The following HPSE2 variants were observed in gnomAD, a reference collection of about 807,000 sequenced individuals.
HPSE2 encodes heparanase 2 (inactive), also known as inactive heparanase-2.
Under a neutral mutation model 60.5 loss-of-function variants are expected in HPSE2, and 38 were observed. The observed-to-expected ratio is 0.63, with a 90% confidence interval of 0.48 to 0.82. The LOEUF (loss-of-function observed/expected upper bound fraction) is 0.82. HPSE2 is among the 40% of genes least tolerant of loss of function. The pLI, the probability that HPSE2 is intolerant of heterozygous loss-of-function variation, is 0.00. For missense variants in HPSE2, 713 were observed against 740.4 expected, an observed-to-expected ratio of 0.96 and a Z score of 0.43; for synonymous variants, 295 against 293.2, an observed-to-expected ratio of 1.01 and a Z score of -0.06.
Position 98,937,770 on chromosome 10 carries a change from G to A in HPSE2, c.611-193714C>T, listed in dbSNP as rs1159654969. Among the ~76,000 whole-genome samples, 9 of 141,832 alleles carry A rather than the reference G, an allele frequency of 6.3e-5. 2 individuals are homozygous for A. Among genetic ancestry groups the A allele is most frequent in the South Asian group, 2.1e-4 (1 of 4,690 alleles). 93.0% of individuals were successfully genotyped at this position (141,832 alleles called of 152,430 possible). On this transcript the variant is annotated intron_variant, in intron 3 of 11. Transcript: ENST00000370552. The stretch of plus-strand genomic sequence containing the variant: ...AGCACGCAGCTGGAGATCTGAGAAC[G>A]GGCAGACTGCCTCCTCAAGTGGGTC...
intron 3 of HPSE2, among the ~76,000 whole-genome samples, chr10:98,794,799 A>C (rs1950736679): frequency 6.6e-6 from 1 of 152,156 alleles, no homozygotes; most frequent in Non-Finnish European, 1.5e-5. Context: ...AGATTTAAAA[A>C]TTGTATGCTT....
At position 98,810,757 on chromosome 10, in the gene HPSE2, T is replaced by TA. The variant is rs986288783; in HGVS notation, c.611-66702dup. Among the ~76,000 whole-genome samples, 404 of 69,048 alleles carry TA rather than the reference T, an allele frequency of 5.9e-3. 1 individual carries two copies. Among genetic ancestry groups the TA allele is most frequent in the Middle Eastern group, 0.051 (7 of 136 alleles). The allele number at this position is 69,048 out of a possible 152,430, so 45.3% of individuals were successfully genotyped here. A position where few individuals can be genotyped will look rare whatever the true frequency, so the allele number is the denominator to read the frequency against. Reference sequence around the variant, plus strand: ...CTAACAATAATGACAGTTGATGAACTAAAAAAAAAAAATAAAAATAAAAAT... The same window carrying TA: ...CTAACAATAATGACAGTTGATGAACTAAAAAAAAAAAAATAAAAATAAAAAT... On this transcript the variant is annotated intron_variant, in intron 3 of 11. Coordinates refer to ENST00000370552, the MANE Select transcript of HPSE2 (RefSeq NM_021828.5).
chr10:99,301,543 A>G, the HPSE2 span, among the ~76,000 whole-genome samples: 2 of 152,226 alleles, frequency 1.3e-5, no homozygotes, highest in African/African-American at 2.4e-5. Context: ...TGTAAGTCCA[A>G]TTAAACCTCT....
chr10:98,739,148 A>T (rs1949431983), intron 4 of HPSE2, among the ~76,000 whole-genome samples: 1 of 152,346 alleles, frequency 6.6e-6, no homozygotes, highest in African/African-American at 2.4e-5. Context: ...AGCCATAAAA[A>T]AGAATGAGTT....
the HPSE2 span, among the ~76,000 whole-genome samples, chr10:99,268,528 C>T: frequency 6.6e-6 from 1 of 151,508 alleles, no homozygotes; most frequent in Admixed American, 6.6e-5. Flanking sequence ...CACCTATAAT[C>T]CCAGCTACCT....
At chr10:98,863,430 TGATA>T (rs1952508155) in intron 3 of HPSE2, among the ~76,000 whole-genome samples, 1 of 152,060 alleles carries the variant, frequency 6.6e-6, no homozygotes, top group South Asian at 2.1e-4. Flanking sequence ...ATAGATATCT[TGATA>T]GATAGATAAA....
At chr10:99,136,886 GC>G (rs1317118983) in intron 3 of HPSE2, among the ~76,000 whole-genome samples, 1 of 152,134 alleles carries the variant, frequency 6.6e-6, no homozygotes, top group East Asian at 1.9e-4. Flanking sequence ...GGAAGTTCTG[GC>G]TAGGACAATC....
At chr10:99,133,972 T>G (rs1456812980) in intron 3 of HPSE2, among the ~76,000 whole-genome samples, 4 of 152,022 alleles carry the variant, frequency 2.6e-5, no homozygotes, top group Admixed American at 6.6e-5. Flanking sequence ...GCTAAGAACC[T>G]TGAAAAAAGG....
chr10:98,884,855 G>T (rs1953123260), intron 3 of HPSE2, among the ~76,000 whole-genome samples: 1 of 152,128 alleles, frequency 6.6e-6, no homozygotes, highest in African/African-American at 2.4e-5. Flanking sequence ...AAAGAGACTT[G>T]TGTTGTTTTT....
intron 9 of HPSE2, among the ~76,000 whole-genome samples, chr10:98,613,939 T>C (rs756080018): frequency 2.8e-4 from 43 of 152,380 alleles, no homozygotes; most frequent in Non-Finnish European, 4.6e-4. Flanking sequence ...ATGGAATTTC[T>C]CTGATTGGCC....
the HPSE2 span, among the ~76,000 whole-genome samples, chr10:99,291,396 C>T: frequency 6.6e-6 from 1 of 152,082 alleles, no homozygotes; most frequent in East Asian, 1.9e-4. Flanking sequence ...CCATCCTGGC[C>T]AACATGATGA....
At chr10:99,065,762 T>C (rs1023050073) in intron 3 of HPSE2, among the ~76,000 whole-genome samples, 1 of 152,154 alleles carries the variant, frequency 6.6e-6, no homozygotes, top group Non-Finnish European at 1.5e-5. Context: ...GAAGGAAGTA[T>C]GAAAAATGAT....
intron 3 of HPSE2, among the ~76,000 whole-genome samples, chr10:99,075,981 A>G (rs1842939888): frequency 6.6e-6 from 1 of 152,156 alleles, no homozygotes; most frequent in Admixed American, 6.5e-5. Context: ...CAGCCACACT[A>G]TACCTTCTGA....
At chr10:98,658,784 A>C (rs1947145442) in intron 6 of HPSE2, among the ~76,000 whole-genome samples, 2 of 152,216 alleles carry the variant, frequency 1.3e-5, no homozygotes, top group South Asian at 4.1e-4. Flanking sequence ...TGATTTATCA[A>C]CAAAAATTAT....
intron 4 of HPSE2, among the ~76,000 whole-genome samples, chr10:98,741,206 C>T (rs1400409770): frequency 2.0e-5 from 3 of 152,024 alleles, no homozygotes; most frequent in African/African-American, 7.2e-5. Context: ...TAGAAATACA[C>T]ATTATTGGCT....
At chr10:98,853,827 T>C (rs1952241368) in intron 3 of HPSE2, among the ~76,000 whole-genome samples, 2 of 152,148 alleles carry the variant, frequency 1.3e-5, no homozygotes, top group African/African-American at 4.8e-5. Flanking sequence ...TTCAGTTACT[T>C]ATCTGTTAAA....
At chr10:98,707,243 T>C (rs984653583) in intron 5 of HPSE2, among the ~76,000 whole-genome samples, 1 of 152,208 alleles carries the variant, frequency 6.6e-6, no homozygotes, top group African/African-American at 2.4e-5. Context: ...GGTAAATATA[T>C]TCCAGTCCTT....
chr10:99,159,111 A>T (rs1412332070), intron 2 of HPSE2, among the ~76,000 whole-genome samples: 1 of 152,164 alleles, frequency 6.6e-6, no homozygotes, highest in Non-Finnish European at 1.5e-5. Flanking sequence ...ACAAACTAGA[A>T]AAATAAGAAA....
Position 99,001,446 on chromosome 10 carries a change from A to G in HPSE2, c.610+142792T>C, listed in dbSNP as rs370057511. Among the ~76,000 whole-genome samples, 5 of 152,250 alleles carry G rather than the reference A, an allele frequency of 3.3e-5. 1 individual carries two copies. In the East Asian group the frequency reaches 5.8e-4, roughly 18 times the overall value. On this transcript the variant is annotated intron_variant, in intron 3 of 11. Coordinates refer to ENST00000370552, the MANE Select transcript of HPSE2 (RefSeq NM_021828.5). ...CGAAATTCTCTACTTATCTGCTTCCATGAGGTAGTCCTAGTGCTACCAACA... is the reference window on the plus strand; with the variant it reads ...CGAAATTCTCTACTTATCTGCTTCCGTGAGGTAGTCCTAGTGCTACCAACA...
Sources: allele counts gnomAD v4.1 joint callset (sites outside exome capture counted in the v4.1 genomes callset), GRCh38; gene constraint gnomAD v4.1.1; transcripts MANE v1.5; gene names NCBI Gene and HGNC (gene_info 2026-07-23, HGNC 2026-07-21).